The following THSD4 variants were observed in gnomAD, a reference collection of about 807,000 sequenced individuals.
THSD4 encodes thrombospondin type-1 domain-containing protein 4.
In THSD4, 69 loss-of-function variants were observed where a neutral mutation model predicts 119.0. The observed-to-expected ratio is 0.58, with a 90% CI of 0.48 to 0.71. The LOEUF (loss-of-function observed/expected upper bound fraction) is 0.71. Ranked by LOEUF, THSD4 falls within the 30% of genes least tolerant of loss-of-function variation. The probability of loss-of-function intolerance (pLI) is 0.00; values close to 1 mark genes in which losing one functional copy is unlikely to be tolerated. For missense variants in THSD4, 1,393 were observed against 1,391.1 expected (o/e 1.00, Z -0.02); for synonymous variants, 524 against 540.4 (o/e 0.97, Z 0.42).
intron 7 of THSD4, among the ~76,000 whole-genome samples, chr15:71,553,949 ATAAG>A (rs2048973888): frequency 6.6e-6 from 1 of 152,022 alleles, no homozygotes; most frequent in Non-Finnish European, 1.5e-5. Context: ...TTCTTTTTAA[ATAAG>A]TGTTATTGGC....
At chr15:71,527,562 C>T (rs2048540603) in intron 7 of THSD4, among the ~76,000 whole-genome samples, 1 of 152,048 alleles carries the variant, frequency 6.6e-6, no homozygotes, top group African/African-American at 2.4e-5. Flanking sequence ...GATCCATTCC[C>T]GACATCATCA....
chr15:71,487,197 T>C (rs147637776), intron 7 of THSD4, among the ~76,000 whole-genome samples: 120 of 152,370 alleles, frequency 7.9e-4, no homozygotes, highest in Non-Finnish European at 1.5e-3. Flanking sequence ...CCCTTTCTTA[T>C]TCTGAATTTA....
intron 7 of THSD4, among the ~76,000 whole-genome samples, chr15:71,638,590 CT>C (rs1447874815): frequency 1.3e-5 from 2 of 152,144 alleles, no homozygotes; most frequent in African/African-American, 4.8e-5. Context: ...CCTAATTCTT[CT>C]CATAATCTCA....
intron 7 of THSD4, among the ~76,000 whole-genome samples, chr15:71,511,599 T>C (rs1307033171): frequency 1.3e-5 from 2 of 152,264 alleles, no homozygotes; most frequent in Non-Finnish European, 2.9e-5. Context: ...TGGCTTTTGC[T>C]TAATTTTGTA....
intron 7 of THSD4, among the ~76,000 whole-genome samples, chr15:71,603,375 C>T (rs776889814): frequency 1.3e-5 from 2 of 152,236 alleles, no homozygotes; most frequent in African/African-American, 2.4e-5. Context: ...GCTCCTTTCC[C>T]TGCACACAGC....
intron 6 of THSD4, among the ~76,000 whole-genome samples, chr15:71,293,792 AG>A (rs988606451): frequency 6.6e-6 from 1 of 151,944 alleles, no homozygotes; most frequent in African/African-American, 2.4e-5. Context: ...GAAATTTAGT[AG>A]GGTTTTGGAA....
At chr15:71,555,546 A>G (rs2049004021) in intron 7 of THSD4, among the ~76,000 whole-genome samples, 1 of 152,210 alleles carries the variant, frequency 6.6e-6, no homozygotes, top group South Asian at 2.1e-4. Context: ...TATCTTGAAT[A>G]TGAACCCTCT....
chr15:71,669,808 G>A (rs1266023388), intron 8 of THSD4, among the ~76,000 whole-genome samples: 2 of 152,216 alleles, frequency 1.3e-5, no homozygotes, highest in Admixed American at 6.5e-5. Context: ...TTTCCTCTGA[G>A]TGTGCGTGGG....
intron 7 of THSD4, among the ~76,000 whole-genome samples, chr15:71,489,706 A>T (rs1325716079): frequency 5.9e-5 from 9 of 152,266 alleles, no homozygotes; most frequent in African/African-American, 1.7e-4. Context: ...TGCCAGAAAT[A>T]GAAGATGGTG....
chr15:71,725,510 A>G (rs957783405), intron 8 of THSD4, among the ~76,000 whole-genome samples: 2 of 152,212 alleles, frequency 1.3e-5, no homozygotes, highest in Non-Finnish European at 2.9e-5. Flanking sequence ...GTAGAGAAAG[A>G]TGAGACAGAA....
At chr15:71,286,435 G>C (rs2044718985) in intron 6 of THSD4, among the ~76,000 whole-genome samples, 1 of 152,078 alleles carries the variant, frequency 6.6e-6, no homozygotes, top group Admixed American at 6.6e-5. Flanking sequence ...TCCTGTGTTA[G>C]TTTGCTAAAA....
intron 6 of THSD4, among the ~76,000 whole-genome samples, chr15:71,266,909 G>C (rs186340579): frequency 2.6e-5 from 4 of 152,036 alleles, no homozygotes; most frequent in Admixed American, 2.6e-4. Flanking sequence ...GACAAGATTA[G>C]AGAAAAAAGA....
At chr15:71,166,588 G>T (rs1278501280) in intron 3 of THSD4, among the ~76,000 whole-genome samples, 1 of 152,026 alleles carries the variant, frequency 6.6e-6, no homozygotes, top group East Asian at 1.9e-4. Flanking sequence ...GCTCTGAGCT[G>T]GTCCTGGTGG....
chr15:71,543,247 T>C (rs968157909), intron 7 of THSD4, among the ~76,000 whole-genome samples: 1 of 152,186 alleles, frequency 6.6e-6, no homozygotes, highest in Admixed American at 6.5e-5. Flanking sequence ...AACCTAAAGT[T>C]ATTTCAAAAG....
chr15:71,321,106 T>C (rs913515720), intron 6 of THSD4, among the ~76,000 whole-genome samples: 2 of 152,180 alleles, frequency 1.3e-5, no homozygotes, highest in African/African-American at 4.8e-5. Context: ...AAACACATGA[T>C]TCCCCGTTTT....
rs555118399 is a variant in THSD4, at chr15:71,696,731, A to G, written c.1358-31818A>G. The stretch of plus-strand genomic sequence containing the variant: ...GAGAGTTAAAAATAACTTTAACTAA[A>G]GAGAGAAAGAATACCAAATCCAAGC... On this transcript the variant is annotated intron_variant, in intron 8 of 17. Coordinates refer to ENST00000261862, the MANE Select transcript of THSD4 (RefSeq NM_024817.3). 2.0e-5 allele frequency among the ~76,000 whole-genome samples: 3 copies of G among 152,340 alleles called. No individual in the cohort carries two copies. In the East Asian group the frequency reaches 5.8e-4, roughly 29 times the overall value.
chr15:71,223,881 A>T (rs1445817753), intron 4 of THSD4, among the ~76,000 whole-genome samples: 1 of 152,100 alleles, frequency 6.6e-6, no homozygotes. Context: ...GATGGGAAAG[A>T]GCTGGGAAAG....
intron 7 of THSD4, among the ~76,000 whole-genome samples, chr15:71,646,932 C>G (rs551631823): frequency 6.6e-6 from 1 of 152,296 alleles, no homozygotes; most frequent in Non-Finnish European, 1.5e-5. Context: ...TGGCTGACAT[C>G]AGGAGGCCTT....
intron 14 of THSD4, among the ~76,000 whole-genome samples, chr15:71,749,259 A>G (rs764115230): frequency 6.6e-6 from 1 of 152,252 alleles, no homozygotes; most frequent in Non-Finnish European, 1.5e-5. Flanking sequence ...ACCACAATCA[A>G]AAATGAAGTT....
Sources: gnomAD v4.1 joint callset for allele counts (sites outside exome capture counted in the v4.1 genomes callset) on GRCh38, gnomAD v4.1.1 for gene constraint, MANE v1.5 for transcripts, NCBI Gene and HGNC (gene_info 2026-07-23, HGNC 2026-07-21) for gene names.